The following HTD2 variants were observed in gnomAD, a reference collection of about 807,000 sequenced individuals.
HTD2 encodes hydroxyacyl-thioester dehydratase type 2, also known as hydroxyacyl-thioester dehydratase type 2, mitochondrial.
Under a neutral mutation model 3.1 loss-of-function variants are expected in HTD2, and 1 was observed. That is an observed-to-expected ratio of 0.32 (90% CI 0.11 to 1.52). The LOEUF is 1.52. Ranked by LOEUF, HTD2 falls within the 40% of genes most tolerant of loss-of-function variation. The pLI is 0.39. For missense variants in HTD2, 150 were observed against 79.6 expected, an observed-to-expected ratio of 1.88 and a Z score of -3.36; for synonymous variants, 50 against 28.9, an observed-to-expected ratio of 1.73 and a Z score of -2.34.
At chr3:58,313,525 C>CT (rs1277261712) in intron 2 of HTD2, among the ~76,000 whole-genome samples, 1 of 152,158 alleles carries the variant, frequency 6.6e-6, no homozygotes, top group African/African-American at 2.4e-5. Flanking sequence ...GCAAAAGACT[C>CT]TTAAGAGGAT....
At chr3:58,315,956 G>T (rs527804977) in intron 2 of HTD2, 1 of 152,374 alleles carries the variant, frequency 6.6e-6, no homozygotes, top group Non-Finnish European at 1.5e-5. Flanking sequence ...GATTACAGGC[G>T]TGAGCCACTG....
At chr3:58,307,004 C>G (rs1329248933) in intron 1 of HTD2, among the ~76,000 whole-genome samples, 1 of 152,182 alleles carries the variant, frequency 6.6e-6, no homozygotes, top group East Asian at 1.9e-4. Context: ...GAGATTTGAG[C>G]TAAGCCAGGA....
chr3:58,317,358 G>A (rs1012028694), intron 4 of HTD2, 82 bp from the exon 5 acceptor site: 2 of 917,452 alleles, frequency 2.2e-6, no homozygotes, highest in Non-Finnish European at 3.4e-6. Context: ...TGTTTATCCT[G>A]TAAAACTGGG....
chr3:58,317,421 C>A lies in HTD2; in HGVS notation c.-174-19C>A. ...GTGTGGTTTCTCCCAATGCCTTAAC[C>A]TTTTTCTTTCTCTTCTAGGTTTCTC... On this transcript the variant is annotated intron_variant, in intron 4 of 4. Transcript: ENST00000461393. 1 of 1,566,076 alleles carries A rather than the reference C, an allele frequency of 6.4e-7. No homozygotes were observed. Among genetic ancestry groups the A allele is most frequent in the South Asian group, 1.1e-5 (1 of 89,384 alleles).
rs1047180095 is a variant in HTD2, at chr3:58,314,700, T to G, written c.-330-1815T>G. ...ATTTTTTTTTTTTTTTTTTTTTTTT[T>G]GTTGAGATGGAGTCTCGTTCTGTCA... On this transcript the variant is annotated intron_variant, in intron 2 of 4. Transcript: ENST00000461393. Among the ~76,000 whole-genome samples the G allele has an allele frequency of 5.8e-3, 700 of 121,084 alleles. 4 individuals are homozygous for G. The highest frequency in any genetic ancestry group is 0.022 in the African/African-American group (661 of 29,952). 79.4% of individuals were successfully genotyped at this position (121,084 alleles called of 152,430 possible).
Position 58,310,501 on chromosome 3 carries a change from T to A in HTD2, c.-415-6T>A. The A allele has an allele frequency of 1.2e-6, 2 of 1,607,916 alleles. No homozygotes were observed. The highest frequency in any genetic ancestry group is 1.7e-6 in the Non-Finnish European group (2 of 1,178,218). On this transcript the variant is annotated splice_polypyrimidine_tract_variant and splice_region_variant and intron_variant, in intron 1 of 4. Transcript: ENST00000461393. The stretch of plus-strand genomic sequence containing the variant: ...ATATGACTTTTTTTTTTTTCACTTT[T>A]TTTAGAGAATTTCAAGATTGTGGAG...
chr3:58,310,213 A>G (rs551648183), intron 1 of HTD2: 7 of 909,470 alleles, frequency 7.7e-6, no homozygotes, highest in African/African-American at 5.4e-5. Flanking sequence ...CCTTAAAACA[A>G]ACAAACAAAA....
At chr3:58,307,865 C>CT (rs11293912) in intron 1 of HTD2, 33,088 of 144,226 alleles carry the variant, frequency 0.23, 5,317 homozygotes, top group East Asian at 0.81. Flanking sequence ...ATTTGTAAGT[C>CT]TTTTTTTTTT....
chr3:58,318,280 G>A lies in HTD2; in HGVS notation c.*160G>A. 1.8e-6 allele frequency: 1 copy of A among 550,694 alleles called. No homozygotes were observed. The allele number at this position is 550,694 out of a possible 1,614,324, so 34.1% of individuals were successfully genotyped here. A position where few individuals can be genotyped will look rare whatever the true frequency, so the allele number is the denominator to read the frequency against. On this transcript the variant is annotated 3_prime_UTR_variant, in exon 5 of 5. Transcript: ENST00000461393. ...GGGTTGTTCAAATGCCCACTTTCCA[G>A]TTTGGCCTTATGCTTCATGCAGACT... is the stretch of plus-strand genomic sequence containing the variant.
In HTD2 at chr3:58,310,494, T is replaced by C. The variant is rs199545063; in HGVS notation, c.-415-13T>C. ...AAATTTAATATGACTTTTTTTTTTT[T>C]CACTTTTTTTAGAGAATTTCAAGAT... On this transcript the variant is annotated splice_polypyrimidine_tract_variant and intron_variant, in intron 1 of 4. Transcript: ENST00000461393. The C allele has an allele frequency of 5.7e-6, 9 of 1,567,176 alleles. No individual in the cohort carries two copies. The highest frequency in any genetic ancestry group is 1.7e-4 in the Middle Eastern group (1 of 5,942).
At chr3:58,309,679 C>T (rs551833859) in intron 1 of HTD2, among the ~76,000 whole-genome samples, 5 of 152,298 alleles carry the variant, frequency 3.3e-5, no homozygotes, top group African/African-American at 1.2e-4. Flanking sequence ...ATCACGAGGT[C>T]AGGAGTTCGA....
At chr3:58,314,675 A>ATT (rs751757663) in intron 2 of HTD2, among the ~76,000 whole-genome samples, 2,730 of 90,534 alleles carry the variant, frequency 0.03, 125 homozygotes, top group African/African-American at 0.08. Context: ...GTTTGGCAGT[A>ATT]TTTTTTTTTT....
chr3:58,318,260 GT>G lies in HTD2; in HGVS notation c.*142del. ...AGGGGAAGGGAGCAGGAAGAGGGTTGTTCAAATGCCCACTTTCCAGTTTGGC... is the reference window on the plus strand; with the variant it reads ...AGGGGAAGGGAGCAGGAAGAGGGTTGTCAAATGCCCACTTTCCAGTTTGGC... On this transcript the variant is annotated 3_prime_UTR_variant, in exon 5 of 5. Coordinates refer to ENST00000461393, the MANE Select transcript of HTD2 (RefSeq NM_001348712.2). 1.8e-6 allele frequency: 1 copy of G among 559,742 alleles called. No homozygotes were observed. The highest frequency in any genetic ancestry group is 2.5e-5 in the South Asian group (1 of 39,418). The allele number at this position is 559,742 out of a possible 1,614,324, so 34.7% of individuals were successfully genotyped here.
At chr3:58,317,081 A>AT in intron 4 of HTD2, 88 bp downstream of exon 4, 1 of 922,826 alleles carries the variant, frequency 1.1e-6, no homozygotes, top group Non-Finnish European at 1.7e-6. Context: ...TTGTGCTTGC[A>AT]TAAATGTAAT....
In HTD2 at chr3:58,318,151, AC is replaced by A; in HGVS notation, c.*33del. 1.6e-6 allele frequency: 1 copy of A among 617,120 alleles called. No individual in the cohort carries two copies. The highest frequency in any genetic ancestry group is 2.9e-6 in the Non-Finnish European group (1 of 348,396). The allele number at this position is 617,120 out of a possible 1,614,324, so 38.2% of individuals were successfully genotyped here. A position where few individuals can be genotyped will look rare whatever the true frequency, so the allele number is the denominator to read the frequency against. On this transcript the variant is annotated 3_prime_UTR_variant, in exon 5 of 5. Coordinates refer to ENST00000461393, the MANE Select transcript of HTD2 (RefSeq NM_001348712.2). ...ATGTTTTAAAGATGCAACCTCAAAC[AC>A]CAATGCTGTTGTTAAAGAGCCTATG...
rs926589829 is a variant in HTD2 at position 58,318,433 on chromosome 3, G to A, written c.*313G>A. On this transcript the variant is annotated 3_prime_UTR_variant, in exon 5 of 5. Transcript: ENST00000461393. ...GGCACTTTGGGAGGCTGCGGCAGGC[G>A]GATCACTTGAGGTCAGGAGTCCAAG... The A allele has an allele frequency of 7.1e-5, 13 of 183,830 alleles. No homozygotes were observed. Among genetic ancestry groups the A allele is most frequent in the Non-Finnish European group, 1.1e-4 (10 of 90,382 alleles). The allele number at this position is 183,830 out of a possible 1,614,324, so 11.4% of individuals were successfully genotyped here.
intron 2 of HTD2, chr3:58,315,830 C>G (rs1171163935): frequency 6.6e-6 from 1 of 152,296 alleles, no homozygotes; most frequent in Non-Finnish European, 1.5e-5. Flanking sequence ...GCATGTGCCA[C>G]CACACCCGGC....
At chr3:58,316,446 G>A in intron 2 of HTD2, 69 bp from the exon 3 acceptor site, 1 of 1,410,598 alleles carries the variant, frequency 7.1e-7, no homozygotes, top group Non-Finnish European at 1.0e-6. Context: ...CTCATTTGTT[G>A]TCAAAAGTTG....
chr3:58,310,374 C>G (rs751456439), intron 1 of HTD2, 133 bp from the exon 2 acceptor site: 1 of 1,614,060 alleles, frequency 6.2e-7, no homozygotes, highest in Non-Finnish European at 8.5e-7. Flanking sequence ...TTTACAAAAA[C>G]CCTTCCGAGT....
Sources: allele counts gnomAD v4.1 joint callset (sites outside exome capture counted in the v4.1 genomes callset), GRCh38; gene constraint gnomAD v4.1.1; transcripts MANE v1.5; gene names NCBI Gene and HGNC (gene_info 2026-07-23, HGNC 2026-07-21).